ANK3: variants seen among roughly 807,000 people sequenced by gnomAD.
ANK3 encodes the protein ankyrin 3, also known as ankyrin-3.
A neutral mutation model predicts 370.9 loss-of-function variants in ANK3; 57 were observed. The ratio of observed to expected loss-of-function variants is 0.15; its 90% CI spans 0.12 to 0.19. The LOEUF is 0.19. Ranked by LOEUF, ANK3 falls within the 10% of genes least tolerant of loss-of-function variation. The pLI is 1.00. For synonymous variants in ANK3, 1,929 were observed against 1,946.3 expected, an observed-to-expected ratio of 0.99 and a Z score of 0.23; for missense variants, 4,439 against 5,302.1, an observed-to-expected ratio of 0.84 and a Z score of 5.06.
chr10:60,559,032 T>C (rs536219448), intron 2 of ANK3, among the ~76,000 whole-genome samples: 1 of 152,304 alleles, frequency 6.6e-6, no homozygotes, highest in East Asian at 1.9e-4. Context: ...TCTTATCAAA[T>C]GTGATAAGTA....
chr10:60,408,511 C>G (rs774370517), intron 2 of ANK3, among the ~76,000 whole-genome samples: 28 of 152,122 alleles, frequency 1.8e-4, no homozygotes, highest in Non-Finnish European at 3.4e-4. Flanking sequence ...GCCTCCCCAG[C>G]CATGCTTCCT....
In ANK3 at chr10:60,575,140, T is replaced by C. The variant is rs199954188; in HGVS notation, c.96+40046A>G. Among the ~76,000 whole-genome samples, 14 of 152,356 alleles carry C rather than the reference T, an allele frequency of 9.2e-5. No homozygotes were observed. The East Asian group carries it at 2.1e-3, about 23-fold the overall frequency. On this transcript the variant is annotated intron_variant, in intron 2 of 43. Coordinates refer to the ANK3 transcript ENST00000373827. ...AAGAAAATGTCTTTATAAAATTCTT[T>C]TTAAACTATAAACGGGTGTTTAAAT...
At chr10:60,445,062 C>T (rs1165835052) in intron 2 of ANK3, among the ~76,000 whole-genome samples, 4 of 152,056 alleles carry the variant, frequency 2.6e-5, no homozygotes, top group Admixed American at 6.6e-5. Flanking sequence ...ATTCTGAAGG[C>T]ACAAAAATTA....
intron 43 of ANK3, among the ~76,000 whole-genome samples, chr10:60,038,315 T>G (rs2075477492): frequency 6.6e-6 from 1 of 152,182 alleles, no homozygotes; most frequent in South Asian, 2.1e-4. Context: ...GAGAATTGCT[T>G]GAACCCAGGA....
At chr10:60,431,800 A>T (rs533915856) in intron 2 of ANK3, among the ~76,000 whole-genome samples, 2 of 152,290 alleles carry the variant, frequency 1.3e-5, no homozygotes, top group African/African-American at 4.8e-5. Flanking sequence ...AGTATAATTT[A>T]AAAAATGTAA....
intron 1 of ANK3, among the ~76,000 whole-genome samples, chr10:60,722,508 T>C (rs982820851): frequency 2.0e-5 from 3 of 151,946 alleles, no homozygotes; most frequent in Non-Finnish European, 2.9e-5. Context: ...AGGCTAAAAA[T>C]CCCAAATCTC....
chr10:60,073,276 A>T lies in ANK3; in HGVS notation c.7605T>A (p.His2535Gln). ...AGTGCAACACTGTCACTTTATCAAAATGCTCATCTTTAGACACTTTACCTA... is the reference window on the plus strand; with the variant it reads ...AGTGCAACACTGTCACTTTATCAAATTGCTCATCTTTAGACACTTTACCTA... ...NGVGKVSKDE[H>Q]FDKVTVLHYS... The change falls in exon 37 of 44, where the codon CAT (histidine) becomes CAA (glutamine). Residue 2535 changes from histidine to glutamine, a missense_variant. Transcript: ENST00000280772. The T allele has an allele frequency of 6.2e-7, 1 of 1,614,116 alleles. No individual in the cohort carries two copies. The highest frequency in any genetic ancestry group is 8.5e-7 in the Non-Finnish European group (1 of 1,180,014).
intron 5 of ANK3, among the ~76,000 whole-genome samples, chr10:60,268,120 G>T (rs186229484): frequency 6.6e-6 from 1 of 152,296 alleles, no homozygotes; most frequent in East Asian, 1.9e-4. Context: ...AGTGCCTCCT[G>T]TCTCTACCTC....
At chr10:60,341,636 A>G (rs1445723628) in intron 1 of ANK3, among the ~76,000 whole-genome samples, 2 of 152,082 alleles carry the variant, frequency 1.3e-5, no homozygotes, top group African/African-American at 4.8e-5. Context: ...TTCCCAAGTA[A>G]AGAGGGGGCA....
chr10:60,547,089 CTTTTTTTTT>C (rs5785455), intron 2 of ANK3, among the ~76,000 whole-genome samples: 1 of 120,778 alleles, frequency 8.3e-6, no homozygotes, highest in Non-Finnish European at 1.6e-5. Flanking sequence ...CAATGCAACT[CTTTTTTTTT>C]TTTTTTTTTT....
intron 23 of ANK3, among the ~76,000 whole-genome samples, chr10:60,147,081 T>C (rs962209805): frequency 6.6e-6 from 1 of 152,162 alleles, no homozygotes; most frequent in Non-Finnish European, 1.5e-5. Flanking sequence ...TCGTGTTAAG[T>C]AAGGTTTCCT....
chr10:60,217,736 T>C (rs530114481), intron 8 of ANK3, among the ~76,000 whole-genome samples: 1 of 152,320 alleles, frequency 6.6e-6, no homozygotes, highest in Non-Finnish European at 1.5e-5. Context: ...TTCTGTTGAT[T>C]TGGGGTAGAA....
intron 2 of ANK3, among the ~76,000 whole-genome samples, chr10:60,589,279 G>A (rs1712889024): frequency 6.6e-6 from 1 of 152,062 alleles, no homozygotes; most frequent in Non-Finnish European, 1.5e-5. Context: ...TTACATGGAG[G>A]TTAATTATCT....
At chr10:60,239,461 G>A (rs2097389433) in intron 7 of ANK3, among the ~76,000 whole-genome samples, 1 of 151,944 alleles carries the variant, frequency 6.6e-6, no homozygotes, top group South Asian at 2.1e-4. Context: ...CAGAAATTAT[G>A]CAATCCAGAA....
rs1555186003 is a variant in ANK3, at chr10:60,240,306, A to ATTT, written c.799-5523_799-5521dup. Among the ~76,000 whole-genome samples the ATTT allele has an allele frequency of 3.7e-4, 44 of 119,754 alleles. 1 individual carries two copies. Among genetic ancestry groups the ATTT allele is most frequent in the Middle Eastern group, 4.7e-3 (1 of 214 alleles). 78.6% of individuals were successfully genotyped at this position (119,754 alleles called of 152,430 possible). The stretch of plus-strand genomic sequence containing the variant: ...CATATATATATATATATATATATAT[A>ATTT]TTTTTTTTTCTTTTTGAGATAGAGT... On this transcript the variant is annotated intron_variant, in intron 7 of 43. Coordinates refer to ENST00000280772, the MANE Select transcript of ANK3 (RefSeq NM_020987.5).
intron 7 of ANK3, among the ~76,000 whole-genome samples, chr10:60,248,643 C>G (rs75663765): frequency 6.6e-6 from 1 of 152,128 alleles, no homozygotes; most frequent in African/African-American, 2.4e-5. Flanking sequence ...TGTGCAGGCT[C>G]TATGAAACAT....
At chr10:60,540,648 G>A (rs986960979) in intron 2 of ANK3, among the ~76,000 whole-genome samples, 1 of 151,918 alleles carries the variant, frequency 6.6e-6, no homozygotes, top group African/African-American at 2.4e-5. Flanking sequence ...ACACCATGGT[G>A]AGAGCTTCAC....
intron 2 of ANK3, among the ~76,000 whole-genome samples, chr10:60,600,647 T>C (rs1595339056): frequency 6.6e-6 from 1 of 152,184 alleles, no homozygotes; most frequent in East Asian, 1.9e-4. Context: ...GGTGAGAACA[T>C]AGCAGAAGCT....
At chr10:60,050,341 ATTTTCTTCCCTAAT>A (rs1415658140) in intron 42 of ANK3, among the ~76,000 whole-genome samples, 3 of 152,090 alleles carry the variant, frequency 2.0e-5, no homozygotes, top group Non-Finnish European at 4.4e-5. Flanking sequence ...ACAACGATTT[ATTTTCTTCCCTAAT>A]GTTTCCAGAG....
Sources: allele counts gnomAD v4.1 joint callset (sites outside exome capture counted in the v4.1 genomes callset), GRCh38; gene constraint gnomAD v4.1.1; transcripts MANE v1.5; gene names NCBI Gene and HGNC (gene_info 2026-07-23, HGNC 2026-07-21).